Variants in PI4KA observed in about 807,000 individuals in gnomAD.
PI4KA encodes PI4-kinase alpha.
Under a neutral mutation model 271.4 loss-of-function variants are expected in PI4KA, and 122 were observed. That is an observed-to-expected ratio of 0.45 (90% CI 0.39 to 0.52). The LOEUF is 0.52. Among genes scored for constraint, PI4KA ranks in the 20% least tolerant of loss-of-function variants. PI4KA has a pLI of 0.00. For missense variants in PI4KA, 1,969 were observed against 2,769.1 expected, an observed-to-expected ratio of 0.71 and a Z score of 6.48; for synonymous variants, 1,041 against 1,078.8, an observed-to-expected ratio of 0.96 and a Z score of 0.69.
intron 10 of PI4KA, among the ~76,000 whole-genome samples, chr22:20,805,403 A>G (rs939342785): frequency 2.0e-5 from 3 of 152,222 alleles, no homozygotes; most frequent in South Asian, 2.1e-4. Context: ...CAGGGATGTT[A>G]CAGCCATGCT....
At chr22:20,799,879 T>C (rs1935199237) in intron 14 of PI4KA, 113 bp from the exon 15 acceptor site, 1 of 636,186 alleles carries the variant, frequency 1.6e-6, no homozygotes, top group Non-Finnish European at 2.7e-6. Flanking sequence ...CTCTGAATTT[T>C]CTTCCCCCCA....
intron 19 of PI4KA, among the ~76,000 whole-genome samples, chr22:20,789,819 G>A (rs1170857214): frequency 2.0e-5 from 3 of 152,180 alleles, no homozygotes; most frequent in African/African-American, 7.2e-5. Context: ...GACAGAGAGT[G>A]CACAGTTTTC....
chr22:20,782,397 G>C (rs1016279380), intron 19 of PI4KA, among the ~76,000 whole-genome samples: 4 of 152,178 alleles, frequency 2.6e-5, no homozygotes, highest in African/African-American at 7.2e-5. Flanking sequence ...CATCACAAGG[G>C]ATCAAATGCT....
chr22:20,771,309 G>C (rs1430637645), intron 19 of PI4KA, among the ~76,000 whole-genome samples: 1 of 151,964 alleles, frequency 6.6e-6, no homozygotes, highest in Non-Finnish European at 1.5e-5. Context: ...TGTAGTCCCA[G>C]CTACTAGGGA....
At chr22:20,751,835 G>T in intron 25 of PI4KA, 80 bp from the exon 26 acceptor site, 1 of 1,271,092 alleles carries the variant, frequency 7.9e-7, no homozygotes, top group Non-Finnish European at 1.1e-6. Flanking sequence ...TCAGCTGCCA[G>T]CCCGAGCCCA....
At chr22:20,831,062 T>C (rs1439616285) in intron 3 of PI4KA, among the ~76,000 whole-genome samples, 2 of 152,198 alleles carry the variant, frequency 1.3e-5, no homozygotes, top group Non-Finnish European at 2.9e-5. Context: ...TGTGAGCTAC[T>C]GTGCCCAGCC....
intron 43 of PI4KA, among the ~76,000 whole-genome samples, chr22:20,719,483 A>G (rs538311300): frequency 1.3e-5 from 2 of 152,236 alleles, no homozygotes; most frequent in South Asian, 2.1e-4. Context: ...CTCTTGCCGC[A>G]TCTAAGGCAG....
chr22:20,840,436 G>A (rs1196074536), intron 1 of PI4KA, among the ~76,000 whole-genome samples: 2 of 152,152 alleles, frequency 1.3e-5, no homozygotes, highest in Non-Finnish European at 2.9e-5. Flanking sequence ...AACACATAGA[G>A]GCCTTAGGGC....
chr22:20,834,762 T>C (rs1223651994), intron 2 of PI4KA, 107 bp from the exon 3 acceptor site: 4 of 670,568 alleles, frequency 6.0e-6, no homozygotes, highest in East Asian at 2.7e-5. Context: ...ATCCTAATCA[T>C]CTCAGAGATT....
rs369216519 is a variant in PI4KA, at chr22:20,803,172, G to A, written c.1591+19C>T. ...GAGCCCCTTTCTCAGGGCCTGAAGG[G>A]CACATAGTCTGTTATTACCTGTGTG... On this transcript the variant is annotated intron_variant, in intron 13 of 54. Transcript: ENST00000255882. The A allele has an allele frequency of 7.4e-6, 12 of 1,613,116 alleles. No individual in the cohort carries two copies. Among genetic ancestry groups the A allele is most frequent in the African/African-American group, 1.3e-5 (1 of 74,912 alleles).
At chr22:20,742,573 C>A in intron 31 of PI4KA, 35 bp downstream of exon 31, 1 of 1,611,352 alleles carries the variant, frequency 6.2e-7, no homozygotes, top group Non-Finnish European at 8.5e-7. Context: ...CATTTAGAAA[C>A]GAGCCCAGAA....
At chr22:20,836,013 C>T (rs1352709115) in intron 2 of PI4KA, among the ~76,000 whole-genome samples, 1 of 152,080 alleles carries the variant, frequency 6.6e-6, no homozygotes. Context: ...GATGGCACCA[C>T]TGCACTCCAG....
At chr22:20,777,306 T>C (rs1201306403) in intron 19 of PI4KA, among the ~76,000 whole-genome samples, 1 of 151,896 alleles carries the variant, frequency 6.6e-6, no homozygotes, top group Non-Finnish European at 1.5e-5. Flanking sequence ...AACCTCTGCC[T>C]CCTGAATTCA....
At chr22:20,849,401 T>C (rs768055217) in intron 1 of PI4KA, among the ~76,000 whole-genome samples, 39 of 152,320 alleles carry the variant, frequency 2.6e-4, no homozygotes, top group Non-Finnish European at 5.0e-4. Flanking sequence ...TGAATTTCCA[T>C]AGCAGCGTTA....
At chr22:20,746,965 T>C (rs980660683) in intron 29 of PI4KA, among the ~76,000 whole-genome samples, 2 of 152,134 alleles carry the variant, frequency 1.3e-5, no homozygotes, top group African/African-American at 4.8e-5. Context: ...CCATGCTCCA[T>C]TTGGAGAGAG....
intron 9 of PI4KA, among the ~76,000 whole-genome samples, chr22:20,807,677 C>A (rs958702397): frequency 6.6e-6 from 1 of 152,136 alleles, no homozygotes; most frequent in South Asian, 2.1e-4. Context: ...GAGATGCCTG[C>A]GGGGGAGCAG....
intron 3 of PI4KA, among the ~76,000 whole-genome samples, chr22:20,832,841 T>C (rs1181524704): frequency 6.6e-6 from 1 of 152,182 alleles, no homozygotes; most frequent in Non-Finnish European, 1.5e-5. Flanking sequence ...GGTTTCAACT[T>C]TCTCCTGAAT....
chr22:20,713,436 A>G (rs1264885622), intron 47 of PI4KA, 46 bp from the exon 48 acceptor site: 2 of 1,440,926 alleles, frequency 1.4e-6, no homozygotes, highest in South Asian at 1.2e-5. Context: ...GGCAGTGAGA[A>G]GCCCTCTGAG....
At chr22:20,818,616 A>T in intron 6 of PI4KA, 67 bp from the exon 7 acceptor site, 1 of 1,244,990 alleles carries the variant, frequency 8.0e-7, no homozygotes, top group Non-Finnish European at 1.1e-6. Flanking sequence ...TTTGTCTTAG[A>T]CAAGGTCCTC....
Sources: gnomAD v4.1 joint callset for allele counts (sites outside exome capture counted in the v4.1 genomes callset) on GRCh38, gnomAD v4.1.1 for gene constraint, MANE v1.5 for transcripts, NCBI Gene and HGNC (gene_info 2026-07-23, HGNC 2026-07-21) for gene names.